The following TIMP3 variants were observed in gnomAD, a reference collection of about 807,000 sequenced individuals.
TIMP3 encodes the protein metalloproteinase inhibitor 3.
In TIMP3, 11 loss-of-function variants were observed where a neutral mutation model predicts 30.0. The ratio of observed to expected loss-of-function variants is 0.37; its 90% CI spans 0.23 to 0.61. TIMP3 has a LOEUF of 0.61. TIMP3 is among the 20% of genes least tolerant of loss of function. The pLI is 0.70. For synonymous variants in TIMP3, 112 were observed against 111.3 expected (o/e 1.01, Z -0.04); for missense variants, 181 against 276.8 (o/e 0.65, Z 2.45).
chr22:32,849,044 T>C (rs2048146824), intron 1 of TIMP3, among the ~76,000 whole-genome samples: 1 of 151,772 alleles, frequency 6.6e-6, no homozygotes, highest in South Asian at 2.1e-4. Flanking sequence ...TAGAAAGGGG[T>C]CCTAGTGGAA....
At chr22:32,832,140 G>T (rs1314707525) in intron 1 of TIMP3, among the ~76,000 whole-genome samples, 1 of 152,192 alleles carries the variant, frequency 6.6e-6, no homozygotes, top group Non-Finnish European at 1.5e-5. Flanking sequence ...CAGATCCCAG[G>T]CTGAGAAAGA....
At chr22:32,819,543 A>G (rs970153535) in intron 1 of TIMP3, among the ~76,000 whole-genome samples, 1 of 152,184 alleles carries the variant, frequency 6.6e-6, no homozygotes, top group Non-Finnish European at 1.5e-5. Context: ...ACACAGGTTT[A>G]TGGAGCACCT....
At chr22:32,848,821 G>A (rs906414054) in intron 1 of TIMP3, among the ~76,000 whole-genome samples, 1 of 152,156 alleles carries the variant, frequency 6.6e-6, no homozygotes, top group East Asian at 1.9e-4. Flanking sequence ...TCTGGCTCCT[G>A]AGCCCCGACT....
At chr22:32,844,285 T>C (rs1447094285) in intron 1 of TIMP3, among the ~76,000 whole-genome samples, 3 of 152,170 alleles carry the variant, frequency 2.0e-5, no homozygotes, top group Non-Finnish European at 4.4e-5. Flanking sequence ...GAACAGCACA[T>C]GTGCAATTTC....
chr22:32,803,617 C>T (rs1387319261), intron 1 of TIMP3, among the ~76,000 whole-genome samples: 1 of 152,148 alleles, frequency 6.6e-6, no homozygotes, highest in Non-Finnish European at 1.5e-5. Flanking sequence ...GGGTTTTCCT[C>T]CCTCCTCCAC....
chr22:32,836,172 A>T (rs130300), intron 1 of TIMP3, among the ~76,000 whole-genome samples: 118,718 of 151,760 alleles, frequency 0.78, 46,819 homozygotes, highest in East Asian at 0.92. Context: ...ATTTTGGGGA[A>T]TGGTTTTAAG....
chr22:32,850,867 C>A (rs115462858), intron 2 of TIMP3, among the ~76,000 whole-genome samples: 1 of 152,166 alleles, frequency 6.6e-6, no homozygotes, highest in South Asian at 2.1e-4. Context: ...GGAGGAGTGA[C>A]GCAGCCCACG....
At chr22:32,831,853 C>A (rs188572608) in intron 1 of TIMP3, among the ~76,000 whole-genome samples, 6 of 152,114 alleles carry the variant, frequency 3.9e-5, no homozygotes, top group Non-Finnish European at 4.4e-5. Context: ...CTGCACCCCC[C>A]CCAACCTCCA....
intron 1 of TIMP3, among the ~76,000 whole-genome samples, chr22:32,823,176 A>G (rs8135037): frequency 0.011 from 1,685 of 152,298 alleles, 33 homozygotes; most frequent in African/African-American, 0.038. Context: ...CTAGAGCATC[A>G]TGTAGGAAGC....
chr22:32,805,026 C>CGT (rs34429869), intron 1 of TIMP3, among the ~76,000 whole-genome samples: 4 of 151,714 alleles, frequency 2.6e-5, no homozygotes, highest in South Asian at 2.1e-4. Context: ...TGCGTGTGTG[C>CGT]GTGTGTGTGT....
chr22:32,851,255 A>C (rs893044866), intron 2 of TIMP3, among the ~76,000 whole-genome samples: 4 of 152,122 alleles, frequency 2.6e-5, no homozygotes, highest in African/African-American at 9.7e-5. Flanking sequence ...AACAATCCTC[A>C]TTACGAGACA....
At chr22:32,825,597 G>A (rs2047379450) in intron 1 of TIMP3, among the ~76,000 whole-genome samples, 1 of 137,696 alleles carries the variant, frequency 7.3e-6, no homozygotes, top group Admixed American at 7.9e-5. Context: ...GGCAGAGGTT[G>A]CAGTGAGCCG....
At chr22:32,840,797 C>G (rs2047876776) in intron 1 of TIMP3, among the ~76,000 whole-genome samples, 1 of 152,210 alleles carries the variant, frequency 6.6e-6, no homozygotes, top group Non-Finnish European at 1.5e-5. Flanking sequence ...GACTTCATCT[C>G]TTCTTGGCTC....
chr22:32,806,187 A>G lies in TIMP3; in HGVS notation c.121+4065A>G, dbSNP rs530698823. Among the ~76,000 whole-genome samples the G allele has an allele frequency of 2.6e-5, 4 of 152,102 alleles. No homozygotes were observed. The South Asian group carries it at 8.3e-4, about 32-fold the overall frequency. ...GTACCCGGTCTGCCAGTGTGGTAGG[A>G]GGAAAGCCAGGGGGAGTCAGGAGAC... On this transcript the variant is annotated intron_variant, in intron 1 of 4. Transcript: ENST00000266085.
chr22:32,813,525 A>T (rs1003397613), intron 1 of TIMP3, among the ~76,000 whole-genome samples: 1 of 147,696 alleles, frequency 6.8e-6, no homozygotes, highest in African/African-American at 2.5e-5. Context: ...ACACACACAC[A>T]CACACACACA....
chr22:32,825,465 T>C (rs950779165), intron 1 of TIMP3, among the ~76,000 whole-genome samples: 7 of 151,362 alleles, frequency 4.6e-5, no homozygotes, highest in Non-Finnish European at 8.8e-5. Flanking sequence ...TCAAGACCAG[T>C]CTGGCCAACA....
At chr22:32,854,935 G>A (rs545657240) in intron 2 of TIMP3, among the ~76,000 whole-genome samples, 1 of 152,128 alleles carries the variant, frequency 6.6e-6, no homozygotes, top group Non-Finnish European at 1.5e-5. Context: ...ACCTACCCCC[G>A]CCAACCAGTC....
At chr22:32,853,915 T>C (rs1018864993) in intron 2 of TIMP3, among the ~76,000 whole-genome samples, 3 of 152,204 alleles carry the variant, frequency 2.0e-5, no homozygotes, top group African/African-American at 4.8e-5. Context: ...GCAGAGAAGA[T>C]TGAAGATTCA....
In TIMP3 at chr22:32,859,658, G is replaced by T; in HGVS notation, c.*281G>T. 2.5e-5 allele frequency: 11 copies of T among 439,624 alleles called. No individual in the cohort carries two copies. Among genetic ancestry groups the T allele is most frequent in the East Asian group, 4.2e-5 (1 of 23,916 alleles). The allele number at this position is 439,624 out of a possible 1,614,324, so 27.2% of individuals were successfully genotyped here. A position where few individuals can be genotyped will look rare whatever the true frequency, so the allele number is the denominator to read the frequency against. On this transcript the variant is annotated 3_prime_UTR_variant, in exon 5 of 5. Transcript: ENST00000266085. ...TGAGGAACCTGTATTCCTCTTCTTC[G>T]TGATAATATAATCTCTATTTTTTTA...
Sources: allele counts gnomAD v4.1 joint callset (sites outside exome capture counted in the v4.1 genomes callset), GRCh38; gene constraint gnomAD v4.1.1; transcripts MANE v1.5; gene names NCBI Gene and HGNC (gene_info 2026-07-23, HGNC 2026-07-21).